Variants in TENM2 observed in about 807,000 individuals in gnomAD.
TENM2 encodes teneurin transmembrane protein 2, also known as teneurin-2.
Under a neutral mutation model 245.2 loss-of-function variants are expected in TENM2, and 52 were observed. That is an observed-to-expected ratio of 0.21 (90% CI 0.17 to 0.27). The LOEUF (loss-of-function observed/expected upper bound fraction) is 0.27. Ranked by LOEUF, TENM2 falls within the 10% of genes least tolerant of loss-of-function variation. The pLI, the probability that TENM2 is intolerant of heterozygous loss-of-function variation, is 1.00. For synonymous variants in TENM2, 1,363 were observed against 1,438.9 expected (o/e 0.95, Z 1.19); for missense variants, 3,046 against 3,666.8 (o/e 0.83, Z 4.37).
At chr5:168,034,385 A>T (rs1483004502) in intron 5 of TENM2, among the ~76,000 whole-genome samples, 7 of 151,248 alleles carry the variant, frequency 4.6e-5, no homozygotes, top group Admixed American at 4.6e-4. Flanking sequence ...TGGTCAATAA[A>T]TAGGTAATTA....
At chr5:167,446,905 T>C (rs566114420) in intron 2 of TENM2, among the ~76,000 whole-genome samples, 1 of 152,210 alleles carries the variant, frequency 6.6e-6, no homozygotes, top group East Asian at 1.9e-4. Flanking sequence ...GCCGGAAGTT[T>C]TTCAGATTTT....
At chr5:167,530,939 G>A (rs1301805011) in intron 2 of TENM2, among the ~76,000 whole-genome samples, 2 of 152,240 alleles carry the variant, frequency 1.3e-5, no homozygotes, top group Non-Finnish European at 1.5e-5. Flanking sequence ...GGAGGCTGAA[G>A]AGGGTACAGG....
At position 167,959,979 on chromosome 5, in the gene TENM2, T is replaced by C. The variant is rs760426457; in HGVS notation, c.947+7157T>C. Among the ~76,000 whole-genome samples, 4 of 152,336 alleles carry C rather than the reference T, an allele frequency of 2.6e-5. No individual in the cohort carries two copies. In the East Asian group the frequency reaches 5.8e-4, roughly 22 times the overall value. On this transcript the variant is annotated intron_variant, in intron 4 of 28. Transcript: ENST00000518659. ...CAGCTGCAGGTCTGCTGAAGTTTGCTGGAGGTCCACTCCACACCCTATTTG... is the reference window on the plus strand; with the variant it reads ...CAGCTGCAGGTCTGCTGAAGTTTGCCGGAGGTCCACTCCACACCCTATTTG...
At chr5:168,165,871 G>C (rs1222118168) in intron 13 of TENM2, 2 of 151,092 alleles carry the variant, frequency 1.3e-5, no homozygotes. Flanking sequence ...GCTTATGTCA[G>C]GTGAGAGGGG....
intron 25 of TENM2, among the ~76,000 whole-genome samples, chr5:168,237,654 A>G (rs566429844): frequency 2.0e-5 from 3 of 152,254 alleles, no homozygotes; most frequent in Admixed American, 6.5e-5. Flanking sequence ...TCATCCAAAC[A>G]TAATGTTTGC....
At chr5:167,476,411 C>T (rs1163458258) in intron 2 of TENM2, among the ~76,000 whole-genome samples, 1 of 152,132 alleles carries the variant, frequency 6.6e-6, no homozygotes, top group African/African-American at 2.4e-5. Context: ...CATGTGGACA[C>T]ATTTCATTAT....
chr5:167,231,153 A>T, the TENM2 span, among the ~76,000 whole-genome samples: 1 of 152,170 alleles, frequency 6.6e-6, no homozygotes, highest in Non-Finnish European at 1.5e-5. Flanking sequence ...AGTCTGAGGT[A>T]TTTCTTCATG....
chr5:167,983,491 T>C (rs965020425), intron 4 of TENM2, among the ~76,000 whole-genome samples: 1 of 152,208 alleles, frequency 6.6e-6, no homozygotes, highest in Non-Finnish European at 1.5e-5. Flanking sequence ...TAGAGGATTT[T>C]CCTGTTGTTC....
intron 2 of TENM2, among the ~76,000 whole-genome samples, chr5:167,824,504 C>G (rs1181342599): frequency 6.6e-6 from 1 of 152,100 alleles, no homozygotes; most frequent in Non-Finnish European, 1.5e-5. Context: ...GCAGATTCTC[C>G]TGGAAGCCAA....
intron 27 of TENM2, among the ~76,000 whole-genome samples, chr5:168,256,355 T>C (rs1437820383): frequency 1.3e-5 from 2 of 152,018 alleles, no homozygotes; most frequent in Admixed American, 1.3e-4. Context: ...TATATGGCTG[T>C]TGCCAGATTA....
intron 2 of TENM2, among the ~76,000 whole-genome samples, chr5:167,722,177 A>G (rs1198337626): frequency 6.6e-6 from 1 of 152,132 alleles, no homozygotes; most frequent in Non-Finnish European, 1.5e-5. Context: ...GCCTCCCCTC[A>G]GGCACTGACT....
At chr5:167,517,831 A>G (rs1770484237) in intron 2 of TENM2, among the ~76,000 whole-genome samples, 1 of 152,036 alleles carries the variant, frequency 6.6e-6, no homozygotes, top group African/African-American at 2.4e-5. Context: ...AGAGAATTAT[A>G]TGCACCTGGT....
rs186695141 is a variant in TENM2, at chr5:167,856,760, G to A, written c.503-19226G>A. ...TTAGGACTGGAACTGAATTTAAAGGGCCTACAATCCTACTTCCCACTGAAT... is the reference window on the plus strand; with the variant it reads ...TTAGGACTGGAACTGAATTTAAAGGACCTACAATCCTACTTCCCACTGAAT... On this transcript the variant is annotated intron_variant, in intron 2 of 28. Coordinates refer to ENST00000518659, the Ensembl canonical transcript of TENM2. Among the ~76,000 whole-genome samples the A allele has an allele frequency of 3.1e-3, 477 of 152,270 alleles. 2 individuals are homozygous for A. The highest frequency in any genetic ancestry group is 0.014 in the Middle Eastern group (4 of 294).
chr5:167,094,678 A>G, the TENM2 span, among the ~76,000 whole-genome samples: 1 of 152,120 alleles, frequency 6.6e-6, no homozygotes, highest in Non-Finnish European at 1.5e-5. Flanking sequence ...CACTGTGGAG[A>G]AGACCCGGGT....
chr5:168,082,280 T>A (rs1792073485), intron 7 of TENM2, among the ~76,000 whole-genome samples: 1 of 152,228 alleles, frequency 6.6e-6, no homozygotes. Flanking sequence ...TTCAGCTCCA[T>A]CAGGTTATTT....
chr5:168,246,929 T>C, exon 27 of TENM2: 2 of 1,614,042 alleles, frequency 1.2e-6, no homozygotes, highest in Non-Finnish European at 1.7e-6. Context: ...GCTTCGGTCA[T>C]CTTTGACTAC....
At chr5:168,116,851 G>A (rs1167225026) in intron 9 of TENM2, among the ~76,000 whole-genome samples, 3 of 152,300 alleles carry the variant, frequency 2.0e-5, no homozygotes, top group South Asian at 2.1e-4. Flanking sequence ...CACCCGGGTT[G>A]TAGATGTGTG....
intron 2 of TENM2, among the ~76,000 whole-genome samples, chr5:167,560,704 G>T (rs1422521108): frequency 6.6e-6 from 1 of 152,158 alleles, no homozygotes; most frequent in Admixed American, 6.5e-5. Flanking sequence ...GTGCTAATTG[G>T]TTCACAGAGA....
At chr5:167,141,835 A>T in the TENM2 span, among the ~76,000 whole-genome samples, 1 of 152,162 alleles carries the variant, frequency 6.6e-6, no homozygotes, top group East Asian at 1.9e-4. Flanking sequence ...TTCTCTTTTT[A>T]AAAAAGAATA....
Sources: allele counts gnomAD v4.1 joint callset (sites outside exome capture counted in the v4.1 genomes callset), GRCh38; gene constraint gnomAD v4.1.1; transcripts MANE v1.5; gene names NCBI Gene and HGNC (gene_info 2026-07-23, HGNC 2026-07-21).